EPHA6: variants seen among roughly 807,000 people sequenced by gnomAD.
EPHA6 encodes EPH receptor A6, also known as ephrin type-A receptor 6.
Under a neutral mutation model 112.0 loss-of-function variants are expected in EPHA6, and 50 were observed. That is an observed-to-expected ratio of 0.45 (90% CI 0.36 to 0.56). EPHA6 has a LOEUF of 0.56. Among genes scored for constraint, EPHA6 ranks in the 20% least tolerant of loss-of-function variants. The pLI, the probability that EPHA6 is intolerant of heterozygous loss-of-function variation, is 0.00. For missense variants in EPHA6, 1,280 were observed against 1,417.4 expected, an observed-to-expected ratio of 0.90 and a Z score of 1.56; for synonymous variants, 529 against 490.7, an observed-to-expected ratio of 1.08 and a Z score of -1.03.
chr3:97,309,037 A>G (rs1559869452), intron 5 of EPHA6, among the ~76,000 whole-genome samples: 1 of 151,802 alleles, frequency 6.6e-6, no homozygotes, highest in Admixed American at 6.6e-5. Context: ...CTGCATAATA[A>G]CAAAGACAAC....
chr3:97,210,832 G>A (rs1219651875), intron 3 of EPHA6, among the ~76,000 whole-genome samples: 1 of 152,222 alleles, frequency 6.6e-6, no homozygotes, highest in Non-Finnish European at 1.5e-5. Flanking sequence ...GCCCCATGCA[G>A]CATCAGCTGG....
rs190505784 is a variant in EPHA6, at chr3:97,433,382, T to G, written c.1732-15186T>G. Among the ~76,000 whole-genome samples, 822 of 152,312 alleles carry G rather than the reference T, an allele frequency of 5.4e-3. 9 individuals are homozygous for G. Among genetic ancestry groups the G allele is most frequent in the Non-Finnish European group, 8.5e-3 (577 of 68,018 alleles). On this transcript the variant is annotated intron_variant, in intron 6 of 17. Coordinates refer to ENST00000389672, the MANE Select transcript of EPHA6 (RefSeq NM_001080448.3). ...AATCTTTTTAAACCTTAATTTTTTT[T>G]GGACATAGGCAAATCTCATTTTAAT... is the stretch of plus-strand genomic sequence containing the variant.
chr3:97,180,637 A>G (rs1397738580), intron 3 of EPHA6, among the ~76,000 whole-genome samples: 1 of 152,068 alleles, frequency 6.6e-6, no homozygotes, highest in Non-Finnish European at 1.5e-5. Flanking sequence ...GAGTGTGTCT[A>G]GAAATGTCAT....
chr3:97,693,328 T>A (rs1250309583), intron 14 of EPHA6, among the ~76,000 whole-genome samples: 4 of 152,224 alleles, frequency 2.6e-5, no homozygotes, highest in Admixed American at 6.5e-5. Context: ...AGAGCCAGTA[T>A]ATATTTAAAT....
chr3:97,488,211 T>C (rs530748430), intron 10 of EPHA6, among the ~76,000 whole-genome samples: 13 of 152,304 alleles, frequency 8.5e-5, no homozygotes, highest in African/African-American at 2.6e-4. Flanking sequence ...TCTTTCCCTT[T>C]ATCTATATGA....
chr3:97,154,096 T>C (rs970359423), intron 3 of EPHA6, among the ~76,000 whole-genome samples: 2 of 150,268 alleles, frequency 1.3e-5, no homozygotes, highest in South Asian at 2.1e-4. Flanking sequence ...ATCCAGTAGA[T>C]GGAGGTTGCA....
intron 15 of EPHA6, among the ~76,000 whole-genome samples, chr3:97,721,200 T>C (rs887962246): frequency 3.9e-5 from 6 of 152,218 alleles, no homozygotes; most frequent in Admixed American, 1.3e-4. Flanking sequence ...TGAATGTTCA[T>C]AGGTGAAAAC....
intron 11 of EPHA6, among the ~76,000 whole-genome samples, chr3:97,544,686 C>T (rs1320553471): frequency 6.6e-6 from 1 of 152,054 alleles, no homozygotes; most frequent in African/African-American, 2.4e-5. Context: ...CTCTTTGTAC[C>T]TCTGGTAGAA....
At chr3:97,650,231 G>A (rs760064907) in intron 14 of EPHA6, among the ~76,000 whole-genome samples, 1 of 152,042 alleles carries the variant, frequency 6.6e-6, no homozygotes, top group Non-Finnish European at 1.5e-5. Context: ...TGGATCATAG[G>A]CATAGAGACC....
Position 96,848,405 on chromosome 3 carries a change from T to G in EPHA6, c.386-18420T>G, listed in dbSNP as rs1019206361. On this transcript the variant is annotated intron_variant, in intron 1 of 17. Transcript: ENST00000389672. ...ACTTTGGGAGGCTGAGGCGGGCGGA[T>G]CACTTGAGGTCAGGAGTTTGAGACC... Among the ~76,000 whole-genome samples, 16 of 152,152 alleles carry G rather than the reference T, an allele frequency of 1.1e-4. No homozygotes were observed. In the East Asian group the frequency reaches 3.1e-3, roughly 30 times the overall value.
intron 3 of EPHA6, among the ~76,000 whole-genome samples, chr3:97,213,379 T>C (rs1020595827): frequency 6.6e-6 from 1 of 152,194 alleles, no homozygotes; most frequent in Non-Finnish European, 1.5e-5. Flanking sequence ...GAATTTCGGC[T>C]CCTGTGTTTC....
At chr3:96,910,637 TTC>T (rs1470801039) in intron 2 of EPHA6, among the ~76,000 whole-genome samples, 2 of 152,042 alleles carry the variant, frequency 1.3e-5, no homozygotes, top group Non-Finnish European at 2.9e-5. Flanking sequence ...AAACTTGTTC[TTC>T]TCTTTTCTTT....
chr3:96,994,730 T>TAGAGAGAGAGAG (rs1325190702), intron 3 of EPHA6, among the ~76,000 whole-genome samples: 14 of 82,832 alleles, frequency 1.7e-4, no homozygotes, highest in Admixed American at 2.8e-4. Context: ...TATATATATA[T>TAGAGAGAGAGAG]ATAGAGAGAG....
chr3:96,905,738 AAGAGTGACAATATCTGC>A (rs2038898353), intron 2 of EPHA6, among the ~76,000 whole-genome samples: 1 of 151,986 alleles, frequency 6.6e-6, no homozygotes, highest in Non-Finnish European at 1.5e-5. Context: ...AGGAATCACC[AAGAGTGACAATATCTGC>A]AGATGCAAGA....
chr3:97,327,224 A>G (rs768894581), intron 5 of EPHA6, among the ~76,000 whole-genome samples: 2 of 152,056 alleles, frequency 1.3e-5, no homozygotes, highest in Non-Finnish European at 2.9e-5. Flanking sequence ...TCTCTTATAT[A>G]TTTACTAATC....
intron 2 of EPHA6, among the ~76,000 whole-genome samples, chr3:96,920,003 A>G (rs1474431393): frequency 6.6e-6 from 1 of 151,952 alleles, no homozygotes; most frequent in South Asian, 2.1e-4. Flanking sequence ...GACAAACAAC[A>G]GGCAAGTAAA....
chr3:97,703,766 C>G (rs1160566496), intron 14 of EPHA6, among the ~76,000 whole-genome samples: 1 of 152,118 alleles, frequency 6.6e-6, no homozygotes, highest in Non-Finnish European at 1.5e-5. Context: ...GACCTTGGGT[C>G]CATTTAACAT....
intron 5 of EPHA6, among the ~76,000 whole-genome samples, chr3:97,255,144 ATG>A (rs10631180): frequency 0.039 from 5,652 of 144,192 alleles, 200 homozygotes; most frequent in African/African-American, 0.1. Context: ...TACATCTTGG[ATG>A]TGTGTGTGTG....
intron 16 of EPHA6, among the ~76,000 whole-genome samples, chr3:97,738,896 A>G (rs559367603): frequency 2.0e-5 from 3 of 152,078 alleles, no homozygotes; most frequent in Non-Finnish European, 4.4e-5. Flanking sequence ...TAAGGTTCAC[A>G]TGCCTGAACC....
Sources: allele counts gnomAD v4.1 joint callset (sites outside exome capture counted in the v4.1 genomes callset), GRCh38; gene constraint gnomAD v4.1.1; transcripts MANE v1.5; gene names NCBI Gene and HGNC (gene_info 2026-07-23, HGNC 2026-07-21).